TAFA1: variants seen among roughly 807,000 people sequenced by gnomAD.
The protein encoded by TAFA1 is TAFA chemokine like family member 1.
Under a neutral mutation model 18.5 loss-of-function variants are expected in TAFA1, and 4 were observed. That is an observed-to-expected ratio of 0.22 (90% CI 0.11 to 0.49). The LOEUF is 0.49. Ranked by LOEUF, TAFA1 falls within the 20% of genes least tolerant of loss-of-function variation. TAFA1 has a pLI of 0.98. For synonymous variants in TAFA1, 56 were observed against 55.2 expected (o/e 1.01, Z -0.06); for missense variants, 147 against 169.0 (o/e 0.87, Z 0.72).
chr3:68,357,674 T>C (rs909904308), intron 2 of TAFA1, among the ~76,000 whole-genome samples: 2 of 151,866 alleles, frequency 1.3e-5, no homozygotes, highest in Non-Finnish European at 2.9e-5. Flanking sequence ...AGAAAATGGC[T>C]CTTGTCAACT....
At chr3:68,483,160 G>C (rs866408299) in intron 3 of TAFA1, among the ~76,000 whole-genome samples, 1 of 152,148 alleles carries the variant, frequency 6.6e-6, no homozygotes, top group South Asian at 2.1e-4. Context: ...ATGGGAGTAA[G>C]GAAGTAACCC....
chr3:68,257,220 T>C (rs1317217008), intron 2 of TAFA1, among the ~76,000 whole-genome samples: 1 of 152,100 alleles, frequency 6.6e-6, no homozygotes, highest in Admixed American at 6.6e-5. Flanking sequence ...CAGCTAAACA[T>C]AACTTTCTTG....
chr3:68,086,645 G>T (rs969153176), intron 2 of TAFA1, among the ~76,000 whole-genome samples: 2 of 152,126 alleles, frequency 1.3e-5, no homozygotes, highest in Non-Finnish European at 2.9e-5. Flanking sequence ...TGAGAATGAG[G>T]GGAAAGGAAG....
At chr3:68,417,928 G>A (rs1405268108) in intron 3 of TAFA1, among the ~76,000 whole-genome samples, 2 of 152,068 alleles carry the variant, frequency 1.3e-5, no homozygotes, top group Non-Finnish European at 1.5e-5. Context: ...TAAACAACCA[G>A]ATCTTGTGAG....
chr3:68,042,775 T>A (rs1430692751), intron 2 of TAFA1, among the ~76,000 whole-genome samples: 1 of 152,176 alleles, frequency 6.6e-6, no homozygotes, highest in Non-Finnish European at 1.5e-5. Context: ...TTTGCTACTG[T>A]TTTATAGTTG....
chr3:68,225,456 G>A (rs562040407), intron 2 of TAFA1, among the ~76,000 whole-genome samples: 1 of 152,166 alleles, frequency 6.6e-6, no homozygotes, highest in Non-Finnish European at 1.5e-5. Context: ...CCTGCCTGTG[G>A]TGGAAATATG....
At chr3:68,026,923 G>A (rs968519704) in intron 2 of TAFA1, among the ~76,000 whole-genome samples, 1 of 152,136 alleles carries the variant, frequency 6.6e-6, no homozygotes, top group Non-Finnish European at 1.5e-5. Context: ...AGTGGTTTCT[G>A]CTTCTGGGGA....
rs868423857 is a variant in TAFA1, at chr3:68,503,802, G to A, written c.260-34954G>A. 3.3e-5 allele frequency among the ~76,000 whole-genome samples: 5 copies of A among 152,038 alleles called. No homozygotes were observed. The South Asian group carries it at 1.0e-3, about 32-fold the overall frequency. On this transcript the variant is annotated intron_variant, in intron 3 of 4. Coordinates refer to ENST00000478136, the MANE Select transcript of TAFA1 (RefSeq NM_213609.4). ...GGCATCATTTTCTAATAATATTTTG[G>A]AAAGAGAGTTAATGGAACAGCATTC...
At chr3:68,072,094 G>C (rs2064762316) in intron 2 of TAFA1, among the ~76,000 whole-genome samples, 1 of 152,180 alleles carries the variant, frequency 6.6e-6, no homozygotes, top group African/African-American at 2.4e-5. Flanking sequence ...AATTTGCTTA[G>C]AACACTTCCA....
chr3:68,482,050 G>A (rs142305279), intron 3 of TAFA1, among the ~76,000 whole-genome samples: 118 of 152,156 alleles, frequency 7.8e-4, no homozygotes, highest in African/African-American at 2.6e-3. Flanking sequence ...TCGCTCTGTC[G>A]CCCAGGCTGG....
chr3:68,392,716 C>T (rs2070289089), intron 2 of TAFA1, among the ~76,000 whole-genome samples: 1 of 152,178 alleles, frequency 6.6e-6, no homozygotes, highest in African/African-American at 2.4e-5. Flanking sequence ...CTCACAACCA[C>T]TCAACTACAT....
chr3:68,407,287 G>T (rs965912462), intron 2 of TAFA1, among the ~76,000 whole-genome samples: 1 of 152,008 alleles, frequency 6.6e-6, no homozygotes, highest in African/African-American at 2.4e-5. Flanking sequence ...CACTTTGCCT[G>T]TATTTATTTA....
chr3:68,410,257 G>A (rs1038461417), intron 2 of TAFA1, among the ~76,000 whole-genome samples: 3 of 151,382 alleles, frequency 2.0e-5, no homozygotes, highest in Non-Finnish European at 4.4e-5. Context: ...GCCCCATGGA[G>A]TTTTTTTTTG....
intron 2 of TAFA1, among the ~76,000 whole-genome samples, chr3:68,416,769 C>A (rs2070846267): frequency 6.6e-6 from 1 of 152,160 alleles, no homozygotes; most frequent in Admixed American, 6.5e-5. Context: ...CGGATGAAGT[C>A]TAGATTTGGG....
chr3:68,504,811 T>A (rs2072719528), intron 3 of TAFA1, among the ~76,000 whole-genome samples: 1 of 152,142 alleles, frequency 6.6e-6, no homozygotes, highest in Non-Finnish European at 1.5e-5. Flanking sequence ...GGGGCCAGGT[T>A]TCAACCTGTG....
intron 2 of TAFA1, among the ~76,000 whole-genome samples, chr3:68,295,920 T>C (rs935233871): frequency 6.6e-6 from 1 of 152,170 alleles, no homozygotes; most frequent in Non-Finnish European, 1.5e-5. Flanking sequence ...AGACCAGCTA[T>C]GTTTCAGTTT....
At chr3:68,339,386 A>G (rs1463640658) in intron 2 of TAFA1, among the ~76,000 whole-genome samples, 2 of 152,258 alleles carry the variant, frequency 1.3e-5, no homozygotes, top group Non-Finnish European at 2.9e-5. Flanking sequence ...TGGGCTCAGT[A>G]GAGATTGTGA....
intron 2 of TAFA1, among the ~76,000 whole-genome samples, chr3:68,178,409 G>A (rs796763675): frequency 3.3e-5 from 5 of 152,192 alleles, no homozygotes; most frequent in African/African-American, 4.8e-5. Flanking sequence ...GACCAAAAAC[G>A]TTATCAAAGA....
chr3:68,304,511 A>G (rs1191708909), intron 2 of TAFA1, among the ~76,000 whole-genome samples: 1 of 152,216 alleles, frequency 6.6e-6, no homozygotes. Flanking sequence ...ATCTTGGGAT[A>G]TTGAGATGCT....
Sources: gnomAD v4.1 joint callset for allele counts (sites outside exome capture counted in the v4.1 genomes callset) on GRCh38, gnomAD v4.1.1 for gene constraint, MANE v1.5 for transcripts, NCBI Gene and HGNC (gene_info 2026-07-23, HGNC 2026-07-21) for gene names.